ISX: variants seen among roughly 807,000 people sequenced by gnomAD.
ISX encodes intestine-specific homeobox.
ISX carries 15 observed loss-of-function variants against 16.9 expected under a neutral mutation model. The observed-to-expected ratio is 0.89, with a 90% CI of 0.59 to 1.36. The LOEUF (loss-of-function observed/expected upper bound fraction) is 1.36, where lower values mean the gene tolerates loss of function less well. Ranked by LOEUF, ISX falls within the 40% of genes most tolerant of loss-of-function variation. The pLI is 0.00. For synonymous variants in ISX, 125 were observed against 119.7 expected (o/e 1.04, Z -0.29); for missense variants, 316 against 306.1 (o/e 1.03, Z -0.24).
chr22:35,071,557 CTCTTA>C (rs1226271387), intron 2 of ISX, among the ~76,000 whole-genome samples: 1 of 152,198 alleles, frequency 6.6e-6, no homozygotes, highest in Admixed American at 6.5e-5. Flanking sequence ...ATGTCCCTTT[CTCTTA>C]TAAGGACACC....
chr22:35,083,162 G>A (rs1929163560), intron 3 of ISX, among the ~76,000 whole-genome samples: 1 of 152,180 alleles, frequency 6.6e-6, no homozygotes, highest in South Asian at 2.1e-4. Flanking sequence ...AAATTTGAAT[G>A]TTGTGTAATT....
At chr22:35,078,182 T>TG (rs3073443) in intron 2 of ISX, among the ~76,000 whole-genome samples, 2 of 151,688 alleles carry the variant, frequency 1.3e-5, no homozygotes, top group Non-Finnish European at 2.9e-5. Flanking sequence ...TTTTTTTTTT[T>TG]GCAGCTTCCT....
intron 2 of ISX, among the ~76,000 whole-genome samples, chr22:35,074,982 C>T (rs190222975): frequency 4.6e-5 from 7 of 152,328 alleles, no homozygotes; most frequent in African/African-American, 7.2e-5. Context: ...CCACTGCTAC[C>T]CTGTCCCAAT....
intron 3 of ISX, 66 bp downstream of exon 3, chr22:35,082,735 A>T: frequency 6.5e-7 from 1 of 1,547,978 alleles, no homozygotes; most frequent in Admixed American, 1.8e-5. Context: ...GACACAATAT[A>T]TCCAGGGACT....
chr22:35,080,127 C>A (rs1243740903), intron 2 of ISX, among the ~76,000 whole-genome samples: 8 of 152,230 alleles, frequency 5.3e-5, no homozygotes, highest in Admixed American at 5.2e-4. Flanking sequence ...GAGGCCTCCC[C>A]TTCTCGGTCT....
Position 35,085,980 on chromosome 22 carries a change from AC to A in ISX, c.*289del. 4.3e-6 allele frequency: 2 copies of A among 465,214 alleles called. No homozygotes were observed. Among genetic ancestry groups the A allele is most frequent in the Admixed American group, 6.9e-5 (2 of 29,074 alleles). 28.8% of individuals were successfully genotyped at this position (465,214 alleles called of 1,614,324 possible). A position where few individuals can be genotyped will look rare whatever the true frequency, so the allele number is the denominator to read the frequency against. On this transcript the variant is annotated 3_prime_UTR_variant, in exon 5 of 5. Transcript: ENST00000404699. ...TGAAATAGGGAGGTAATCCTCCAGC[AC>A]CTGTGTTTCCTCTAACTTGCTGTGT... is the stretch of plus-strand genomic sequence containing the variant.
Position 35,085,438 on chromosome 22 carries a change from C to A in ISX, c.499-16C>A. 1 of 1,614,162 alleles carries A rather than the reference C, an allele frequency of 6.2e-7. No homozygotes were observed. The highest frequency in any genetic ancestry group is 8.5e-7 in the Non-Finnish European group (1 of 1,179,992). ...CTTAGGACTCACTTCTCTCTCCTGACCTCTCCTTGTGACAGGGGCCCACGT... is the reference window on the plus strand; with the variant it reads ...CTTAGGACTCACTTCTCTCTCCTGAACTCTCCTTGTGACAGGGGCCCACGT... On this transcript the variant is annotated splice_polypyrimidine_tract_variant and intron_variant, in intron 4 of 4. Coordinates refer to ENST00000404699, the MANE Select transcript of ISX (RefSeq NM_001303508.2).
chr22:35,071,279 A>C (rs2146288047), intron 2 of ISX, among the ~76,000 whole-genome samples: 1 of 152,252 alleles, frequency 6.6e-6, no homozygotes, highest in Non-Finnish European at 1.5e-5. Flanking sequence ...TCCCTGTATT[A>C]ATTTTCTATG....
At position 35,080,296 on chromosome 22, in the gene ISX, C is replaced by G. The variant is rs117746715; in HGVS notation, c.230-2222C>G. ...GATGCTGATAGGTCCTTAATTTGAACCTCAGTCCTCAGTTCCCCTTTGAGC... is the reference window on the plus strand; with the variant it reads ...GATGCTGATAGGTCCTTAATTTGAAGCTCAGTCCTCAGTTCCCCTTTGAGC... On this transcript the variant is annotated intron_variant, in intron 2 of 4. Transcript: ENST00000404699. Among the ~76,000 whole-genome samples, 249 of 152,296 alleles carry G rather than the reference C, an allele frequency of 1.6e-3. 4 individuals carry two copies. In the East Asian group the frequency reaches 0.043, roughly 26 times the overall value.
intron 2 of ISX, among the ~76,000 whole-genome samples, chr22:35,070,021 A>G (rs1026311858): frequency 1.3e-5 from 2 of 152,202 alleles, no homozygotes; most frequent in Admixed American, 1.3e-4. Flanking sequence ...TGGTGGCCCA[A>G]GGAAGTGGTC....
At chr22:35,076,557 G>A (rs967197352) in intron 2 of ISX, among the ~76,000 whole-genome samples, 2 of 152,174 alleles carry the variant, frequency 1.3e-5, no homozygotes, top group African/African-American at 4.8e-5. Context: ...TGCAAAGGGG[G>A]CCCTGGGTGT....
At chr22:35,067,444 C>A in intron 2 of ISX, 128 bp downstream of exon 2, 2 of 673,262 alleles carry the variant, frequency 3.0e-6, no homozygotes, top group Non-Finnish European at 5.0e-6. Context: ...CAAGACCTGG[C>A]TCTGGGCTGG....
At chr22:35,075,628 T>G (rs2413294) in intron 2 of ISX, among the ~76,000 whole-genome samples, 1 of 151,924 alleles carries the variant, frequency 6.6e-6, no homozygotes, top group Non-Finnish European at 1.5e-5. Flanking sequence ...AATACGTAAG[T>G]AAAAAGTATG....
intron 2 of ISX, among the ~76,000 whole-genome samples, chr22:35,079,577 C>T (rs1929074151): frequency 6.6e-6 from 1 of 152,150 alleles, no homozygotes; most frequent in Non-Finnish European, 1.5e-5. Flanking sequence ...TACGAGGCTC[C>T]CTTCCCTGGG....
chr22:35,074,777 C>G (rs185567864), intron 2 of ISX, among the ~76,000 whole-genome samples: 1 of 152,334 alleles, frequency 6.6e-6, no homozygotes, highest in Admixed American at 6.5e-5. Flanking sequence ...CATCCCCTGA[C>G]TGCACAGCTT....
intron 3 of ISX, 151 bp downstream of exon 3, chr22:35,082,820 TC>T: frequency 1.3e-6 from 1 of 765,476 alleles, no homozygotes; most frequent in Non-Finnish European, 2.1e-6. Context: ...AATATTATTT[TC>T]CATGAAATGA....
chr22:35,066,644 CA>C (rs1928706116), intron 1 of ISX, 107 bp from the exon 2 acceptor site: 1 of 165,922 alleles, frequency 6.0e-6, no homozygotes, highest in Admixed American at 5.6e-5. Flanking sequence ...AGAGAAAGGG[CA>C]AAGGTGGACC....
At chr22:35,072,553 G>T (rs973865291) in intron 2 of ISX, among the ~76,000 whole-genome samples, 1 of 152,344 alleles carries the variant, frequency 6.6e-6, no homozygotes, top group Non-Finnish European at 1.5e-5. Flanking sequence ...GCATGGAAAG[G>T]TCTGGGTGAT....
intron 2 of ISX, among the ~76,000 whole-genome samples, chr22:35,071,557 C>A (rs1308869992): frequency 1.3e-5 from 2 of 152,198 alleles, no homozygotes; most frequent in Non-Finnish European, 2.9e-5. Context: ...ATGTCCCTTT[C>A]TCTTATAAGG....
Sources: allele counts gnomAD v4.1 joint callset (sites outside exome capture counted in the v4.1 genomes callset), GRCh38; gene constraint gnomAD v4.1.1; transcripts MANE v1.5; gene names NCBI Gene and HGNC (gene_info 2026-07-23, HGNC 2026-07-21).